The following PHF12 variants were observed in gnomAD, a reference collection of about 807,000 sequenced individuals.
PHF12 encodes the protein PHD factor 1.
A neutral mutation model predicts 99.8 loss-of-function variants in PHF12; 6 were observed. The ratio of observed to expected loss-of-function variants is 0.06; its 90% CI spans 0.03 to 0.12. PHF12 has a LOEUF of 0.12. PHF12 is among the 10% of genes least tolerant of loss of function. The pLI is 1.00. For missense variants in PHF12, 954 were observed against 1,300.1 expected (o/e 0.73, Z 4.09); for synonymous variants, 480 against 514.9 (o/e 0.93, Z 0.92).
At chr17:28,938,599 C>G (rs895978749) in intron 2 of PHF12, among the ~76,000 whole-genome samples, 1 of 152,108 alleles carries the variant, frequency 6.6e-6, no homozygotes, top group Non-Finnish European at 1.5e-5. Context: ...TTACCCTCCC[C>G]TGACAGGGTC....
chr17:28,923,651 C>CAAAAAAAA lies in PHF12; in HGVS notation c.715+257_715+258insTTTTTTTT, dbSNP rs1491183033. On this transcript the variant is annotated intron_variant, in intron 4 of 14. Coordinates refer to ENST00000332830, the MANE Select transcript of PHF12 (RefSeq NM_001033561.2). Reference sequence around the variant, plus strand: ...CTAGCCTGAGTGACAAAGTGAGACTCACAAAAAAAAAAAAAAAAAAAAAAG... The same window carrying CAAAAAAAA: ...CTAGCCTGAGTGACAAAGTGAGACTCAAAAAAAAACAAAAAAAAAAAAAAAAAAAAAAG... 8.6e-4 allele frequency among the ~76,000 whole-genome samples: 19 copies of CAAAAAAAA among 21,966 alleles called. 1 individual carries two copies. The highest frequency in any genetic ancestry group is 1.6e-3 in the African/African-American group (7 of 4,346). The allele number at this position is 21,966 out of a possible 152,430, so 14.4% of individuals were successfully genotyped here. A position where few individuals can be genotyped will look rare whatever the true frequency, so the allele number is the denominator to read the frequency against.
chr17:28,920,346 C>G (rs1567957039), intron 5 of PHF12, among the ~76,000 whole-genome samples: 1 of 152,308 alleles, frequency 6.6e-6, no homozygotes, highest in Non-Finnish European at 1.5e-5. Flanking sequence ...CCCAAGCCAA[C>G]AAGTCCAGCT....
chr17:28,923,361 A>T (rs377667030), intron 4 of PHF12, among the ~76,000 whole-genome samples: 2,617 of 108,434 alleles, frequency 0.024, 43 homozygotes, highest in Non-Finnish European at 0.037. Flanking sequence ...TTTTTTTTTT[A>T]AAAGATAATT....
At chr17:28,945,163 G>C (rs1415784817) in intron 2 of PHF12, 1 of 152,228 alleles carries the variant, frequency 6.6e-6, no homozygotes, top group East Asian at 1.9e-4. Context: ...GGGAGGCTTA[G>C]GTGGGAGGAT....
intron 2 of PHF12, among the ~76,000 whole-genome samples, chr17:28,933,588 G>A (rs1346078911): frequency 1.3e-5 from 2 of 152,002 alleles, no homozygotes; most frequent in Admixed American, 6.6e-5. Flanking sequence ...CTTATTTCTG[G>A]GGTACACAGT....
chr17:28,931,536 C>G (rs545036139), intron 2 of PHF12, among the ~76,000 whole-genome samples: 2 of 149,436 alleles, frequency 1.3e-5, no homozygotes, highest in Non-Finnish European at 3.0e-5. Flanking sequence ...GGATTACAGG[C>G]GTGAGCCACT....
At position 28,923,429 on chromosome 17, in the gene PHF12, G is replaced by A. The variant is rs551138957; in HGVS notation, c.715+480C>T. ...TCCCAGCACTTCGGGAGGCCGAGGT[G>A]GGCAGATCACCTGAGGTCAGGAGTT... On this transcript the variant is annotated intron_variant, in intron 4 of 14. Transcript: ENST00000332830. Among the ~76,000 whole-genome samples the A allele has an allele frequency of 2.0e-5, 3 of 151,426 alleles. No homozygotes were observed. In the East Asian group the frequency reaches 5.9e-4, roughly 30 times the overall value.
intron 10 of PHF12, 144 bp downstream of exon 10, chr17:28,910,968 A>G (rs532117760): frequency 1.2e-5 from 13 of 1,095,124 alleles, no homozygotes; most frequent in East Asian, 3.0e-5. Flanking sequence ...CCCCCATCCA[A>G]AAGGATACTC....
intron 10 of PHF12, chr17:28,910,835 T>C (rs984036698): frequency 1.6e-5 from 7 of 441,664 alleles, no homozygotes; most frequent in Non-Finnish European, 2.8e-5. Context: ...GTGATCTGCC[T>C]AAAGTGATTT....
At chr17:28,908,249 T>C (rs2039904759) in intron 12 of PHF12, 1 of 162,222 alleles carries the variant, frequency 6.2e-6, no homozygotes, top group African/African-American at 2.4e-5. Flanking sequence ...TAGTCAGAGC[T>C]GACTTTCATC....
intron 12 of PHF12, chr17:28,908,330 CTCTTT>C: frequency 1.2e-5 from 2 of 167,846 alleles, no homozygotes; most frequent in Non-Finnish European, 2.6e-5. Context: ...AACTGATTGT[CTCTTT>C]TATTTTTGAG....
chr17:28,917,661 A>AT (rs1226854471), intron 6 of PHF12, among the ~76,000 whole-genome samples: 1 of 152,156 alleles, frequency 6.6e-6, no homozygotes, highest in African/African-American at 2.4e-5. Flanking sequence ...AAGAGAGCCA[A>AT]TATGTTCCTG....
At chr17:28,918,430 T>C (rs2040099669) in intron 6 of PHF12, among the ~76,000 whole-genome samples, 1 of 152,270 alleles carries the variant, frequency 6.6e-6, no homozygotes. Flanking sequence ...CTCTTCCATG[T>C]GTGCAAGTCT....
At position 28,950,428 on chromosome 17, in the gene PHF12, C is replaced by T. The variant is rs2040789070; in HGVS notation, c.67-182G>A. On this transcript the variant is annotated intron_variant, in intron 1 of 14. Coordinates refer to ENST00000332830, the MANE Select transcript of PHF12 (RefSeq NM_001033561.2). This position sits in a 1 kb window ranked among gnomAD's most constrained non-coding sequence, Gnocchi z 5.7. ...AGGGGGAGCCCACCCTAACCGCGTT[C>T]CTGCAGCACAACAACGAGAACAGCT... The T allele has an allele frequency of 1.3e-5, 8 of 633,872 alleles. No individual in the cohort carries two copies. The South Asian group carries it at 1.4e-4, about 11-fold the overall frequency. The allele number at this position is 633,872 out of a possible 1,614,324, so 39.3% of individuals were successfully genotyped here.
intron 2 of PHF12, among the ~76,000 whole-genome samples, chr17:28,948,932 G>A (rs567473588): frequency 6.6e-6 from 1 of 152,330 alleles, no homozygotes; most frequent in African/African-American, 2.4e-5. Flanking sequence ...TGCCGCAGAT[G>A]TGGGATTTTT....
chr17:28,908,758 T>C, intron 12 of PHF12, 25 bp downstream of exon 12: 2 of 1,607,356 alleles, frequency 1.2e-6, no homozygotes, highest in Non-Finnish European at 1.7e-6. Flanking sequence ...ATTCAGTGTC[T>C]CTCCCAGCTT....
rs761264030 is a variant in PHF12 at position 28,913,864 on chromosome 17, C to T, written c.1293+15G>A. On this transcript the variant is annotated intron_variant, in intron 8 of 14. Transcript: ENST00000332830. Reference sequence around the variant, plus strand: ...GGAAGGTTGGATTTGGAATCCCCGCCCCACCTTCACTCACCTCTTGCTGCT... The same window carrying T: ...GGAAGGTTGGATTTGGAATCCCCGCTCCACCTTCACTCACCTCTTGCTGCT... 6.3e-7 allele frequency: 1 copy of T among 1,587,348 alleles called. No individual in the cohort carries two copies.
intron 3 of PHF12, 138 bp from the exon 4 acceptor site, chr17:28,924,440 G>C (rs932647384): frequency 8.5e-7 from 1 of 1,170,370 alleles, no homozygotes; most frequent in Non-Finnish European, 1.2e-6. Context: ...TGGTCACTTG[G>C]AACACTGGTC....
chr17:28,913,671 A>G (rs1389877171), intron 8 of PHF12, among the ~76,000 whole-genome samples: 1 of 152,178 alleles, frequency 6.6e-6, no homozygotes, highest in African/African-American at 2.4e-5. Context: ...GTAACGATGG[A>G]GAGAAGCAGA....
Sources: allele counts gnomAD v4.1 joint callset (sites outside exome capture counted in the v4.1 genomes callset), GRCh38; gene constraint gnomAD v4.1.1; non-coding constraint Gnocchi (gnomAD v3.1); transcripts MANE v1.5; gene names NCBI Gene and HGNC (gene_info 2026-07-23, HGNC 2026-07-21).